The following KCNMB3 variants were observed in gnomAD, a reference collection of about 807,000 sequenced individuals.
KCNMB3 encodes the protein calcium-activated potassium channel subunit beta-3.
A neutral mutation model predicts 11.9 loss-of-function variants in KCNMB3; 18 were observed. That is an observed-to-expected ratio of 1.51 (90% CI 1.04 to 2.23). The LOEUF is 2.23. KCNMB3 is among the 30% of genes most tolerant of loss of function. KCNMB3 has a pLI of 0.00. For synonymous variants in KCNMB3, 78 were observed against 119.2 expected (o/e 0.65, Z 2.25); for missense variants, 247 against 329.4 (o/e 0.75, Z 1.94).
At chr3:179,266,900 G>C in exon 1 of KCNMB3, 1 of 1,419,282 alleles carries the variant, frequency 7.0e-7, no homozygotes, top group South Asian at 1.6e-5. Context: ...CTAGCCACGT[G>C]GTTCTGCAGA....
chr3:179,262,629 T>TGATTGGTCCATTTTACAGAGAGCC (rs1358563805), intron 1 of KCNMB3, among the ~76,000 whole-genome samples: 5 of 152,228 alleles, frequency 3.3e-5, no homozygotes, highest in Non-Finnish European at 7.4e-5. Flanking sequence ...CACATCCTGC[T>TGATTGGTCCATTTTACAGAGAGCC]GATTGGTCCA....
intron 1 of KCNMB3, chr3:179,259,516 A>T: frequency 3.1e-6 from 5 of 1,611,682 alleles, no homozygotes; most frequent in Non-Finnish European, 4.2e-6. Context: ...TTCTCTGGAC[A>T]ATCAACATTT....
At chr3:179,239,910 A>C (rs1441675138), downstream of KCNMB3, 1 of 796,658 alleles carries the variant, frequency 1.3e-6, no homozygotes, top group Non-Finnish European at 2.0e-6. Flanking sequence ...CTATATTGAG[A>C]ATATAGAATA....
At chr3:179,263,376 C>T (rs996175458) in intron 1 of KCNMB3, among the ~76,000 whole-genome samples, 5 of 152,234 alleles carry the variant, frequency 3.3e-5, no homozygotes, top group African/African-American at 4.8e-5. Context: ...CCCGGGTTCC[C>T]GCCCGCGCCT....
chr3:179,239,929 A>G, downstream of KCNMB3: 1 of 901,052 alleles, frequency 1.1e-6, no homozygotes, highest in Non-Finnish European at 1.7e-6. Flanking sequence ...TAATAACAGT[A>G]TCACTAAATT....
chr3:179,260,062 G>T, intron 1 of KCNMB3: 1 of 1,610,462 alleles, frequency 6.2e-7, no homozygotes, highest in Admixed American at 1.7e-5. Flanking sequence ...AACTGTTGGG[G>T]GACCTCTACC....
At chr3:179,260,803 G>A (rs1726181288) in intron 1 of KCNMB3, 6 of 1,363,328 alleles carry the variant, frequency 4.4e-6, no homozygotes, top group Admixed American at 3.5e-5. Flanking sequence ...TTTTCTCTTC[G>A]TACTGCCGCC....
intron 1 of KCNMB3, among the ~76,000 whole-genome samples, chr3:179,245,518 G>T (rs1284925788): frequency 6.6e-6 from 1 of 151,230 alleles, no homozygotes; most frequent in Admixed American, 6.6e-5. Context: ...TTTTTTTGGG[G>T]GGGGGGATGG....
At chr3:179,246,565 G>T (rs1298822962) in intron 1 of KCNMB3, among the ~76,000 whole-genome samples, 2 of 152,104 alleles carry the variant, frequency 1.3e-5, no homozygotes, top group Non-Finnish European at 2.9e-5. Context: ...AAGGTCTGGG[G>T]TATAAAAATC....
intron 1 of KCNMB3, among the ~76,000 whole-genome samples, chr3:179,248,545 T>C (rs1353731826): frequency 1.3e-5 from 2 of 151,918 alleles, no homozygotes; most frequent in African/African-American, 4.8e-5. Context: ...CTGGGCAACA[T>C]AGGGGGATCC....
chr3:179,260,865 C>T lies in KCNMB3; in HGVS notation c.62+5784G>A, dbSNP rs936495602. On this transcript the variant is annotated intron_variant, in intron 1 of 3. Transcript: ENST00000349697. The stretch of plus-strand genomic sequence containing the variant: ...TCCAGCAACATATCTTTCAGGGTGT[C>T]AACTTGGTAAATGAAGTTTGTGTTT... 9 of 1,172,266 alleles carry T rather than the reference C, an allele frequency of 7.7e-6. No individual in the cohort carries two copies. The African/African-American group carries it at 7.9e-5, about 10-fold the overall frequency. 72.6% of individuals were successfully genotyped at this position (1,172,266 alleles called of 1,614,324 possible).
chr3:179,247,478 T>C (rs1026765416), intron 1 of KCNMB3, among the ~76,000 whole-genome samples: 2 of 151,682 alleles, frequency 1.3e-5, no homozygotes, highest in Non-Finnish European at 2.9e-5. Context: ...CTGGACAACA[T>C]AGTGAGATCC....
intron 1 of KCNMB3, among the ~76,000 whole-genome samples, chr3:179,257,646 T>G (rs1726055871): frequency 6.6e-6 from 1 of 152,146 alleles, no homozygotes; most frequent in Admixed American, 6.5e-5. Flanking sequence ...ACAAGTAACC[T>G]TTTTTTACTG....
At chr3:179,260,421 G>C in intron 1 of KCNMB3, 1 of 1,613,918 alleles carries the variant, frequency 6.2e-7, no homozygotes, top group East Asian at 2.2e-5. Context: ...CTCACCAGCA[G>C]TGAATACCTC....
chr3:179,259,672 A>C, intron 1 of KCNMB3: 1 of 1,607,938 alleles, frequency 6.2e-7, no homozygotes, highest in South Asian at 1.1e-5. Context: ...AACTCTTTTT[A>C]AACATCTTTA....
At chr3:179,258,006 T>C (rs1726075898) in intron 1 of KCNMB3, among the ~76,000 whole-genome samples, 1 of 152,236 alleles carries the variant, frequency 6.6e-6, no homozygotes, top group Admixed American at 6.5e-5. Context: ...TGCCTCAGCC[T>C]CCGGAGTGGC....
At chr3:179,253,094 A>G (rs948264435), upstream of KCNMB3, among the ~76,000 whole-genome samples, 15 of 152,144 alleles carry the variant, frequency 9.9e-5, no homozygotes, top group African/African-American at 3.6e-4. Flanking sequence ...CCTAAAGTAG[A>G]GTTTGATGGT....
intron 1 of KCNMB3, among the ~76,000 whole-genome samples, chr3:179,245,501 G>T (rs1257488406): frequency 2.1e-5 from 3 of 143,986 alleles, no homozygotes; most frequent in Non-Finnish European, 4.6e-5. Flanking sequence ...GTGCTGTACT[G>T]AATTAATTTT....
intron 1 of KCNMB3, chr3:179,260,260 C>A (rs1185963463): frequency 1.2e-6 from 2 of 1,613,828 alleles, no homozygotes; most frequent in Non-Finnish European, 1.7e-6. Context: ...TCTGGTGCAC[C>A]CATGACCTCA....
Sources: allele counts gnomAD v4.1 joint callset (sites outside exome capture counted in the v4.1 genomes callset), GRCh38; gene constraint gnomAD v4.1.1; transcripts MANE v1.5; gene names NCBI Gene and HGNC (gene_info 2026-07-23, HGNC 2026-07-21).